KATNAL1: variants seen among roughly 807,000 people sequenced by gnomAD.
The protein encoded by KATNAL1 is katanin catalytic subunit A1 like 1.
A neutral mutation model predicts 55.2 loss-of-function variants in KATNAL1; 32 were observed. The ratio of observed to expected loss-of-function variants is 0.58; its 90% CI spans 0.44 to 0.78. KATNAL1 has a LOEUF of 0.78. Among genes scored for constraint, KATNAL1 ranks in the 30% least tolerant of loss-of-function variants. The probability of loss-of-function intolerance (pLI) is 0.00; values close to 1 mark genes in which losing one functional copy is unlikely to be tolerated. For missense variants in KATNAL1, 466 were observed against 600.9 expected (o/e 0.78, Z 2.35); for synonymous variants, 193 against 193.6 (o/e 1.00, Z 0.02).
At chr13:30,231,586 T>C in intron 6 of KATNAL1, 114 bp from the exon 7 acceptor site, 2 of 614,566 alleles carry the variant, frequency 3.3e-6, no homozygotes, top group Non-Finnish European at 5.0e-6. Context: ...AAACTCAAAA[T>C]TGTCACAGTA....
At chr13:30,256,878 T>G (rs1878842141) in intron 3 of KATNAL1, among the ~76,000 whole-genome samples, 2 of 152,136 alleles carry the variant, frequency 1.3e-5, no homozygotes, top group Admixed American at 1.3e-4. Context: ...AAACAAGTAT[T>G]TACTGAGGCA....
At chr13:30,215,625 G>A (rs1162732118) in intron 9 of KATNAL1, among the ~76,000 whole-genome samples, 1 of 152,158 alleles carries the variant, frequency 6.6e-6, no homozygotes, top group East Asian at 1.9e-4. Flanking sequence ...GTCCTTTGTA[G>A]GGACATGGAT....
At chr13:30,239,503 C>T (rs1020046234) in intron 6 of KATNAL1, among the ~76,000 whole-genome samples, 2 of 151,916 alleles carry the variant, frequency 1.3e-5, no homozygotes, top group African/African-American at 4.8e-5. Context: ...TTTAAAAAAA[C>T]GTAATAGTTC....
At chr13:30,285,848 TGAA>T (rs965801113) in intron 1 of KATNAL1, among the ~76,000 whole-genome samples, 6 of 152,334 alleles carry the variant, frequency 3.9e-5, no homozygotes, top group East Asian at 1.9e-4. Context: ...TGGTTGCAGA[TGAA>T]GAAGAACTTG....
rs1198136484 is a variant in KATNAL1, at chr13:30,255,467, C to T, written c.472G>A (p.Ala158Thr). Residue 158 changes from alanine to threonine, a missense_variant, in exon 4 of 11, where the codon GCA (alanine) becomes ACA (threonine). Ala to Thr is a moderately conservative substitution (Grantham distance 58). Around this residue, in one of 3 missense-constraint regions of KATNAL1, gnomAD observed 248 missense variants for 275.5 expected, o/e 0.90. Coordinates refer to ENST00000380615, the MANE Select transcript of KATNAL1 (RefSeq NM_032116.5). ...PSTSRDKDYRARGRDDKGRKN... is the reference protein window; with the variant it reads ...PSTSRDKDYRTRGRDDKGRKN... ...CTTGCCTTGTCATCTCTCCCTCTTG[C>T]TCTATAGTCCTTGTCCCTACTTGTA... 3 of 1,566,918 alleles carry T rather than the reference C, an allele frequency of 1.9e-6. No homozygotes were observed. The highest frequency in any genetic ancestry group is 2.6e-6 in the Non-Finnish European group (3 of 1,156,830).
intron 1 of KATNAL1, among the ~76,000 whole-genome samples, chr13:30,294,424 T>C (rs2137559286): frequency 6.6e-6 from 1 of 152,348 alleles, no homozygotes; most frequent in African/African-American, 2.4e-5. Context: ...CAATATTCCC[T>C]TAAGCCAAAG....
rs1316020893 is a variant in KATNAL1, at chr13:30,208,574, T to C, written c.1439A>G (p.Tyr480Cys). 1.2e-6 allele frequency: 2 copies of C among 1,604,116 alleles called. No individual in the cohort carries two copies. Among genetic ancestry groups the C allele is most frequent in the Non-Finnish European group, 8.5e-7 (1 of 1,174,426 alleles). Reference protein sequence around the residue: ...KSVSAADLEKYEKWMVEFGSA With the variant: ...KSVSAADLEKCEKWMVEFGSA ...TCCAAATTCAACCATCCATTTTTCATACTTCTCCAAGTCTGCAGCAGAGAC... is the reference window on the plus strand; with the variant it reads ...TCCAAATTCAACCATCCATTTTTCACACTTCTCCAAGTCTGCAGCAGAGAC... Residue 480 changes from tyrosine (Y) to cysteine (C), a missense_variant, in exon 11 of 11, where the codon TAT (tyrosine) becomes TGT (cysteine). Around this residue, in one of 3 missense-constraint regions of KATNAL1, gnomAD observed 213 missense variants for 308.6 expected, o/e 0.69. Coordinates refer to ENST00000380615, the MANE Select transcript of KATNAL1 (RefSeq NM_032116.5).
At chr13:30,292,738 T>G (rs1229016018) in intron 1 of KATNAL1, among the ~76,000 whole-genome samples, 1 of 152,144 alleles carries the variant, frequency 6.6e-6, no homozygotes, top group African/African-American at 2.4e-5. Flanking sequence ...ATGGAGCACA[T>G]TTTCTACAGT....
chr13:30,216,440 A>C (rs1874238823), intron 9 of KATNAL1, among the ~76,000 whole-genome samples: 1 of 152,120 alleles, frequency 6.6e-6, no homozygotes, highest in African/African-American at 2.4e-5. Context: ...TTCTGTATTG[A>C]GTTATGTTTC....
At chr13:30,297,684 C>G (rs965525363) in intron 1 of KATNAL1, among the ~76,000 whole-genome samples, 8 of 152,154 alleles carry the variant, frequency 5.3e-5, no homozygotes, top group Non-Finnish European at 1.2e-4. Context: ...ACTATATGGT[C>G]TTAAAAAAGA....
rs767166263 is a variant in KATNAL1 at position 30,232,032 on chromosome 13, C to T, written c.727-560G>A. ...TAGCAAGATTTGTATCATTTTAATG[C>T]GTTAGCTTATATAAAATAGTAATAG... On this transcript the variant is annotated intron_variant, in intron 6 of 10. Coordinates refer to ENST00000380615, the MANE Select transcript of KATNAL1 (RefSeq NM_032116.5). 9.2e-5 allele frequency among the ~76,000 whole-genome samples: 14 copies of T among 152,000 alleles called. No individual in the cohort carries two copies. The South Asian group carries it at 1.2e-3, about 13-fold the overall frequency.
At chr13:30,300,927 T>C (rs954406899) in intron 1 of KATNAL1, among the ~76,000 whole-genome samples, 3 of 152,200 alleles carry the variant, frequency 2.0e-5, no homozygotes, top group Admixed American at 6.5e-5. Context: ...TAGATACTAA[T>C]ATAGGGTTCT....
intron 1 of KATNAL1, among the ~76,000 whole-genome samples, chr13:30,306,328 C>A (rs1593197708): frequency 6.6e-6 from 1 of 152,018 alleles, no homozygotes; most frequent in East Asian, 1.9e-4. Context: ...CTGAGAAATT[C>A]TGAATAACAC....
intron 3 of KATNAL1, among the ~76,000 whole-genome samples, chr13:30,269,875 C>T (rs1296880602): frequency 6.6e-6 from 1 of 151,746 alleles, no homozygotes; most frequent in African/African-American, 2.4e-5. Context: ...CGTCTCCGCC[C>T]GGCAGCCACC....
At chr13:30,221,546 A>C (rs2137369399) in intron 9 of KATNAL1, among the ~76,000 whole-genome samples, 1 of 152,402 alleles carries the variant, frequency 6.6e-6, no homozygotes, top group East Asian at 1.9e-4. Context: ...TGCTAAAATT[A>C]GCTGACAAAA....
At chr13:30,247,180 G>A (rs1877877772) in intron 4 of KATNAL1, among the ~76,000 whole-genome samples, 1 of 152,076 alleles carries the variant, frequency 6.6e-6, no homozygotes, top group African/African-American at 2.4e-5. Context: ...TTGTACCCTA[G>A]CATACTGCTG....
intron 9 of KATNAL1, among the ~76,000 whole-genome samples, chr13:30,217,410 C>A (rs147591868): frequency 8.7e-4 from 132 of 152,206 alleles, no homozygotes; most frequent in Non-Finnish European, 1.5e-3. Context: ...GCTGAGATCG[C>A]GCCACTGCAC....
intron 1 of KATNAL1, chr13:30,296,772 G>A: frequency 1.7e-5 from 8 of 465,838 alleles, no homozygotes; most frequent in South Asian, 1.2e-4. Flanking sequence ...CCCCTACCTA[G>A]GTGCCTGTGC....
intron 3 of KATNAL1, among the ~76,000 whole-genome samples, chr13:30,266,209 C>T (rs978113437): frequency 2.6e-5 from 4 of 151,742 alleles, no homozygotes; most frequent in Admixed American, 2.0e-4. Context: ...ACCATGTGGG[C>T]CAAGCTGGTC....
Sources: allele counts gnomAD v4.1 joint callset (sites outside exome capture counted in the v4.1 genomes callset), GRCh38; gene constraint gnomAD v4.1.1; regional missense constraint gnomAD v4.1.1; transcripts MANE v1.5; gene names NCBI Gene and HGNC (gene_info 2026-07-23, HGNC 2026-07-21).